Variants in GLG1 observed in about 807,000 individuals in gnomAD.
GLG1 encodes golgi glycoprotein 1.
Under a neutral mutation model 160.5 loss-of-function variants are expected in GLG1, and 38 were observed. The observed-to-expected ratio is 0.24, with a 90% confidence interval of 0.18 to 0.31. GLG1 has a LOEUF of 0.31. GLG1 is among the 10% of genes least tolerant of loss of function. The probability of loss-of-function intolerance (pLI) is 1.00; values close to 1 mark genes in which losing one functional copy is unlikely to be tolerated. For missense variants in GLG1, 1,373 were observed against 1,505.2 expected (o/e 0.91, Z 1.45); for synonymous variants, 644 against 543.4 (o/e 1.19, Z -2.57).
chr16:74,470,055 G>A lies in GLG1; in HGVS notation c.2248C>T (p.Arg750Trp), dbSNP rs2015140722. 2.5e-6 allele frequency: 4 copies of A among 1,605,758 alleles called. No homozygotes were observed. The highest frequency in any genetic ancestry group is 1.3e-5 in the African/African-American group (1 of 74,864). ...HFQLVQMKDF[R>W]FSYKFKMACK... is the part of the protein sequence containing the mutation. ...GCCATTTTAAACTTGTAAGAAAACC[G>A]AAAATCCTTCATCTGCACCTGAAAG... Residue 750 changes from arginine (R) to tryptophan (W), a missense_variant, in exon 16 of 26, where the codon CGG (arginine) becomes TGG (tryptophan). Arg to Trp is a moderately radical substitution (Grantham distance 101). Transcript: ENST00000422840.
intron 1 of GLG1, among the ~76,000 whole-genome samples, chr16:74,547,024 C>T (rs1246797095): frequency 6.6e-6 from 1 of 152,036 alleles, no homozygotes; most frequent in Non-Finnish European, 1.5e-5. Context: ...GAACTGTCCC[C>T]GCTTCCAGAA....
chr16:74,468,879 G>T, intron 17 of GLG1, 67 bp downstream of exon 17: 1 of 976,326 alleles, frequency 1.0e-6, no homozygotes, highest in Non-Finnish European at 1.7e-6. Context: ...CCTTGCCCTA[G>T]CCTCTCCCCA....
intron 25 of GLG1, among the ~76,000 whole-genome samples, chr16:74,454,681 A>C (rs1221222352): frequency 6.4e-5 from 9 of 140,000 alleles, no homozygotes; most frequent in Non-Finnish European, 1.1e-4. Flanking sequence ...AAAAAAAAAA[A>C]AAAAAAAAAA....
At chr16:74,507,163 C>G (rs528283158) in intron 3 of GLG1, among the ~76,000 whole-genome samples, 1 of 152,260 alleles carries the variant, frequency 6.6e-6, no homozygotes, top group East Asian at 1.9e-4. Flanking sequence ...TTCCCTGACT[C>G]CAGTATAATC....
chr16:74,492,827 A>G (rs2016050354), intron 7 of GLG1, 130 bp downstream of exon 7: 2 of 489,472 alleles, frequency 4.1e-6, no homozygotes, highest in African/African-American at 2.0e-5. Flanking sequence ...TCTCAAGAAA[A>G]AAAAAAAAAA....
intron 5 of GLG1, among the ~76,000 whole-genome samples, chr16:74,495,486 G>A (rs780166820): frequency 6.6e-6 from 1 of 152,316 alleles, no homozygotes; most frequent in East Asian, 1.9e-4. Context: ...GATGGTTAAA[G>A]CTGTTAATGC....
intron 1 of GLG1, among the ~76,000 whole-genome samples, chr16:74,553,075 T>G (rs2018246825): frequency 6.6e-6 from 1 of 151,786 alleles, no homozygotes; most frequent in South Asian, 2.1e-4. Context: ...AAAAAATTAG[T>G]CGGGTGTGGC....
intron 25 of GLG1, among the ~76,000 whole-genome samples, chr16:74,454,660 C>T (rs750697311): frequency 5.4e-5 from 5 of 92,642 alleles, no homozygotes; most frequent in African/African-American, 9.4e-5. Flanking sequence ...GACGAGAATC[C>T]GTCCCCAAAA....
rs138684808 is a variant in GLG1 at position 74,576,543 on chromosome 16, C to A, written c.438+30114G>T. On this transcript the variant is annotated intron_variant, in intron 1 of 25. Coordinates refer to ENST00000422840, the MANE Select transcript of GLG1 (RefSeq NM_001145667.2). ...GGTCTCTATGGCATCCCCTTAATAACCTTTTAAAATTATAAAAACCATTCT... is the reference window on the plus strand; with the variant it reads ...GGTCTCTATGGCATCCCCTTAATAAACTTTTAAAATTATAAAAACCATTCT... 7.6e-3 allele frequency among the ~76,000 whole-genome samples: 1,156 copies of A among 152,276 alleles called. 16 individuals carry two copies. The highest frequency in any genetic ancestry group is 0.026 in the African/African-American group (1,081 of 41,540).
chr16:74,550,345 T>A (rs1449854734), intron 1 of GLG1, among the ~76,000 whole-genome samples: 1 of 152,072 alleles, frequency 6.6e-6, no homozygotes, highest in Non-Finnish European at 1.5e-5. Context: ...TAGAAGACCA[T>A]GATGTACTGG....
intron 1 of GLG1, among the ~76,000 whole-genome samples, chr16:74,586,281 T>C (rs1010446642): frequency 2.0e-5 from 3 of 152,136 alleles, no homozygotes; most frequent in Admixed American, 1.3e-4. Flanking sequence ...TCTCTTGTGT[T>C]CAACCACTGA....
chr16:74,526,663 G>C (rs2017344329), intron 2 of GLG1, among the ~76,000 whole-genome samples: 1 of 152,206 alleles, frequency 6.6e-6, no homozygotes. Context: ...GACTGAAGCT[G>C]GAGTGAGCCG....
chr16:74,481,692 GCA>G, intron 10 of GLG1, among the ~76,000 whole-genome samples: 1 of 152,096 alleles, frequency 6.6e-6, no homozygotes, highest in Non-Finnish European at 1.5e-5. Context: ...CAAAACACAT[GCA>G]CACACACACG....
intron 2 of GLG1, among the ~76,000 whole-genome samples, chr16:74,515,659 A>AAC (rs1392460925): frequency 6.6e-6 from 1 of 151,766 alleles, no homozygotes; most frequent in East Asian, 1.9e-4. Context: ...ATATGTAACT[A>AAC]ACCTACACGT....
Position 74,545,211 on chromosome 16 carries a change from C to CG in GLG1, c.439-13059dup, listed in dbSNP as rs201354535. Among the ~76,000 whole-genome samples the CG allele has an allele frequency of 7.9e-3, 1,194 of 152,092 alleles. 17 individuals are homozygous for CG. Among genetic ancestry groups the CG allele is most frequent in the African/African-American group, 0.028 (1,148 of 41,464 alleles). On this transcript the variant is annotated intron_variant, in intron 1 of 25. Transcript: ENST00000422840. ...TCTTGTTTTTGTTGAGACAGGGTCT[C>CG]GCTCTGTCACCCAGGCTAGAGTGCA...
intron 1 of GLG1, among the ~76,000 whole-genome samples, chr16:74,606,319 A>G (rs866025477): frequency 2.0e-5 from 3 of 152,326 alleles, no homozygotes; most frequent in South Asian, 4.1e-4. Context: ...GCAAAATCCT[A>G]AACTGATCTT....
At chr16:74,554,967 A>C (rs993707219) in intron 1 of GLG1, among the ~76,000 whole-genome samples, 2 of 152,202 alleles carry the variant, frequency 1.3e-5, no homozygotes, top group Admixed American at 6.5e-5. Context: ...AATGAGCTAT[A>C]ATCTCACCAC....
At chr16:74,534,200 G>C (rs922325478) in intron 1 of GLG1, among the ~76,000 whole-genome samples, 3 of 151,428 alleles carry the variant, frequency 2.0e-5, no homozygotes, top group Non-Finnish European at 2.9e-5. Flanking sequence ...CCTTTTTAAG[G>C]TGCCTTTCTC....
intron 8 of GLG1, among the ~76,000 whole-genome samples, chr16:74,486,120 G>C (rs948236867): frequency 6.6e-6 from 1 of 152,174 alleles, no homozygotes; most frequent in South Asian, 2.1e-4. Context: ...AGGTTTTTCT[G>C]TTTGAGTCAT....
Sources: allele counts gnomAD v4.1 joint callset (sites outside exome capture counted in the v4.1 genomes callset), GRCh38; gene constraint gnomAD v4.1.1; transcripts MANE v1.5; gene names NCBI Gene and HGNC (gene_info 2026-07-23, HGNC 2026-07-21).